MRPL12: variants seen among roughly 807,000 people sequenced by gnomAD.
MRPL12 encodes mitochondrial ribosomal protein L12, also known as large ribosomal subunit protein bL12m.
A neutral mutation model predicts 21.1 loss-of-function variants in MRPL12; 13 were observed. The observed-to-expected ratio is 0.62, with a 90% confidence interval of 0.40 to 0.98. MRPL12 has a LOEUF of 0.98. Among genes scored for constraint, MRPL12 ranks in the 50% least tolerant of loss-of-function variants. MRPL12 has a pLI of 0.00. For missense variants in MRPL12, 251 were observed against 268.6 expected, an observed-to-expected ratio of 0.93 and a Z score of 0.46; for synonymous variants, 126 against 115.3, an observed-to-expected ratio of 1.09 and a Z score of -0.60.
At chr17:81,706,313 A>G (rs2037314055) in intron 3 of MRPL12, among the ~76,000 whole-genome samples, 1 of 151,998 alleles carries the variant, frequency 6.6e-6, no homozygotes, top group African/African-American at 2.4e-5. Context: ...CTGGAGTGCA[A>G]TGGCGCGATC....
Position 81,704,376 on chromosome 17 carries a change from G to A in MRPL12, c.207G>A (p.Gln69=). Residue 69 remains glutamine, a synonymous_variant, in exon 2 of 5, where the codon CAG becomes CAA. Transcript: ENST00000333676. The part of the protein sequence containing the change: ...EYPPKIQQLV[Q]DIASLTLLEI... Reference sequence around the variant, plus strand: ...CCCCCAAGATACAGCAGCTGGTCCAGGACATCGCCAGCCTCACTCTCTTGG... The same window carrying A: ...CCCCCAAGATACAGCAGCTGGTCCAAGACATCGCCAGCCTCACTCTCTTGG... The A allele has an allele frequency of 6.2e-7, 1 of 1,613,660 alleles. No individual in the cohort carries two copies. Among genetic ancestry groups the A allele is most frequent in the East Asian group, 2.2e-5 (1 of 44,872 alleles).
In MRPL12 at chr17:81,703,431, C is replaced by A; in HGVS notation, c.-71C>A. On this transcript the variant is annotated 5_prime_UTR_variant, in exon 1 of 5. Coordinates refer to ENST00000333676, the MANE Select transcript of MRPL12 (RefSeq NM_002949.4). ...GAGCGTTCCTCCCCAGCTCGAATGC[C>A]CGGCGGCCGAGGCGGCTAGAGCGTC... 2.9e-6 allele frequency: 4 copies of A among 1,358,936 alleles called. No individual in the cohort carries two copies. Among genetic ancestry groups the A allele is most frequent in the Non-Finnish European group, 3.9e-6 (4 of 1,026,524 alleles). The allele number at this position is 1,358,936 out of a possible 1,614,324, so 84.2% of individuals were successfully genotyped here. A position where few individuals can be genotyped will look rare whatever the true frequency, so the allele number is the denominator to read the frequency against.
In MRPL12 at chr17:81,707,415, A is replaced by T; in HGVS notation, c.*175A>T. Reference sequence around the variant, plus strand: ...GCACAGACCTACTGTGGCGGGAGGGAGGGGCGGCTGCTGCCTGGTGACGGC... The same window carrying T: ...GCACAGACCTACTGTGGCGGGAGGGTGGGGCGGCTGCTGCCTGGTGACGGC... On this transcript the variant is annotated 3_prime_UTR_variant, in exon 5 of 5. Transcript: ENST00000333676. 1 of 636,598 alleles carries T rather than the reference A, an allele frequency of 1.6e-6. No homozygotes were observed. The highest frequency in any genetic ancestry group is 2.6e-6 in the Non-Finnish European group (1 of 384,526). 39.4% of individuals were successfully genotyped at this position (636,598 alleles called of 1,614,324 possible). A position where few individuals can be genotyped will look rare whatever the true frequency, so the allele number is the denominator to read the frequency against.
At chr17:81,706,705 C>CA (rs969582377) in intron 3 of MRPL12, among the ~76,000 whole-genome samples, 6 of 151,744 alleles carry the variant, frequency 4.0e-5, no homozygotes, top group East Asian at 1.9e-4. Flanking sequence ...GACTCCGTCT[C>CA]AAAAAAAAGA....
chr17:81,705,653 G>T (rs528734081), intron 3 of MRPL12, among the ~76,000 whole-genome samples: 2 of 152,204 alleles, frequency 1.3e-5, no homozygotes, highest in Non-Finnish European at 1.5e-5. Flanking sequence ...TGGCGCAGGC[G>T]AAGGGGTGTA....
In MRPL12 at chr17:81,706,878, T is replaced by C. The variant is rs759778631; in HGVS notation, c.346-28T>C. 6 of 1,611,090 alleles carry C rather than the reference T, an allele frequency of 3.7e-6. No homozygotes were observed. In the South Asian group the frequency reaches 6.6e-5, roughly 18 times the overall value. On this transcript the variant is annotated intron_variant, in intron 3 of 4. Transcript: ENST00000333676. ...TAGCTCCCCCCAGCCCTTTGTCACCTGGCTCCCCTTCTTTCCTGCTCCCTA... is the reference window on the plus strand; with the variant it reads ...TAGCTCCCCCCAGCCCTTTGTCACCCGGCTCCCCTTCTTTCCTGCTCCCTA...
chr17:81,706,909 G>C lies in MRPL12; in HGVS notation c.349G>C (p.Val117Leu). ...CCCTTCTTTCCTGCTCCCTAAGGCG[G>C]TGGAAGAAGATATCCCCATAGCGAA... is the stretch of plus-strand genomic sequence containing the variant. ...AVPAAAAQEAVEEDIPIAKER... is the reference protein window; with the variant it reads ...AVPAAAAQEALEEDIPIAKER... The change falls in exon 4 of 5, where the codon GTG (valine) becomes CTG (leucine). Residue 117 changes from valine (V) to leucine (L), a missense_variant. Physicochemically the swap from Val to Leu is conservative, Grantham distance 32. Transcript: ENST00000333676. 6.2e-7 allele frequency: 1 copy of C among 1,613,788 alleles called. No individual in the cohort carries two copies. Among genetic ancestry groups the C allele is most frequent in the Non-Finnish European group, 8.5e-7 (1 of 1,180,004 alleles).
chr17:81,703,552 G>A lies in MRPL12; in HGVS notation c.51G>A (p.Arg17=), dbSNP rs1282043608. 1.4e-6 allele frequency: 2 copies of A among 1,462,994 alleles called. No individual in the cohort carries two copies. The highest frequency in any genetic ancestry group is 6.0e-5 in the East Asian group (2 of 33,570). 90.6% of individuals were successfully genotyped at this position (1,462,994 alleles called of 1,614,324 possible). The change falls in exon 1 of 5, where the codon CGG becomes CGA. Residue 17 remains arginine, a synonymous_variant. Coordinates refer to ENST00000333676, the MANE Select transcript of MRPL12 (RefSeq NM_002949.4). ...RPLWGPCLGL[R]AAAFRLARRQ... is the part of the protein sequence containing the mutation. ...TGTGGGGGCCTTGCCTTGGGCTTCG[G>A]GCCGCTGCGTTCCGCCTTGCCAGGT... is the stretch of plus-strand genomic sequence containing the variant.
chr17:81,703,846 C>T (rs1026747124), intron 1 of MRPL12, among the ~76,000 whole-genome samples: 3 of 152,246 alleles, frequency 2.0e-5, no homozygotes, highest in Admixed American at 6.5e-5. Context: ...GCAGCAAAGG[C>T]CCATCCGTGG....
In MRPL12 at chr17:81,707,037, C is replaced by A. The variant is rs772618516; in HGVS notation, c.477C>A (p.Val159=). 64 of 1,614,110 alleles carry A rather than the reference C, an allele frequency of 4.0e-5. No homozygotes were observed. The highest frequency in any genetic ancestry group is 5.2e-5 in the Non-Finnish European group (61 of 1,180,046). Residue 159 remains valine, a synonymous_variant, in exon 4 of 5, where the codon GTC becomes GTA. Transcript: ENST00000333676. ...IKNYIQGINL[V]QAKKLVESLP... is the part of the protein sequence containing the mutation. ...ACTACATCCAAGGCATCAACCTCGT[C>A]CAGGTCTGTGCCGCGGTGGGGGTTC... is the stretch of plus-strand genomic sequence containing the variant.
At chr17:81,706,072 G>T (rs978192104) in intron 3 of MRPL12, among the ~76,000 whole-genome samples, 6 of 152,210 alleles carry the variant, frequency 3.9e-5, no homozygotes, top group African/African-American at 1.2e-4. Flanking sequence ...CGTCAGAAGC[G>T]CAGCGTGCCC....
intron 1 of MRPL12, among the ~76,000 whole-genome samples, chr17:81,703,829 C>T (rs995289624): frequency 1.3e-5 from 2 of 152,244 alleles, no homozygotes; most frequent in African/African-American, 4.8e-5. Context: ...TGGCCTCAGC[C>T]TTTTCCGCAG....
rs2037326511 is a variant in MRPL12, at chr17:81,707,468, C to CG, written c.*230dup. On this transcript the variant is annotated 3_prime_UTR_variant, in exon 5 of 5. Coordinates refer to ENST00000333676, the MANE Select transcript of MRPL12 (RefSeq NM_002949.4). ...CCGGAGGCCCACCAGGACGCGCCAC[C>CG]GGTGAATGTGCCTCTGGTGGCTGCT... 1 of 531,752 alleles carries CG rather than the reference C, an allele frequency of 1.9e-6. No individual in the cohort carries two copies. Among genetic ancestry groups the CG allele is most frequent in the Non-Finnish European group, 3.3e-6 (1 of 299,246 alleles). 32.9% of individuals were successfully genotyped at this position (531,752 alleles called of 1,614,324 possible).
chr17:81,706,464 G>A (rs532629443), intron 3 of MRPL12, among the ~76,000 whole-genome samples: 9 of 152,116 alleles, frequency 5.9e-5, no homozygotes, highest in Non-Finnish European at 2.9e-5. Context: ...TGATCCACCC[G>A]CCTTGGCCTC....
At chr17:81,704,589 C>A (rs769585137) in intron 2 of MRPL12, 44 bp from the exon 3 acceptor site, 1 of 1,606,700 alleles carries the variant, frequency 6.2e-7, no homozygotes, top group African/African-American at 1.3e-5. Context: ...TAGGTTCCGG[C>A]TGGTGTGAGG....
rs1402117828 is a variant in MRPL12, at chr17:81,707,275, G to T, written c.*35G>T. On this transcript the variant is annotated 3_prime_UTR_variant, in exon 5 of 5. Transcript: ENST00000333676. ...CGGAGGACTTGTGTTCAGGGGTCCTGGGCCCCGGGCGAGGTCCCGCCCTCC... is the reference window on the plus strand; with the variant it reads ...CGGAGGACTTGTGTTCAGGGGTCCTTGGCCCCGGGCGAGGTCCCGCCCTCC... 6.6e-7 allele frequency: 1 copy of T among 1,517,880 alleles called. No individual in the cohort carries two copies. The highest frequency in any genetic ancestry group is 8.9e-7 in the Non-Finnish European group (1 of 1,127,842). 94.0% of individuals were successfully genotyped at this position (1,517,880 alleles called of 1,614,324 possible).
At chr17:81,706,171 C>T (rs750026505) in intron 3 of MRPL12, among the ~76,000 whole-genome samples, 1 of 152,192 alleles carries the variant, frequency 6.6e-6, no homozygotes, top group East Asian at 1.9e-4. Flanking sequence ...ATCTACAAAG[C>T]ACTTTTGGTG....
chr17:81,704,836 T>C, intron 3 of MRPL12, 120 bp downstream of exon 3: 2 of 834,790 alleles, frequency 2.4e-6, no homozygotes, highest in Non-Finnish European at 3.8e-6. Flanking sequence ...TGCACACCTG[T>C]GCGGCATCCT....
Position 81,707,304 on chromosome 17 carries a change from G to A in MRPL12, c.*64G>A. On this transcript the variant is annotated 3_prime_UTR_variant, in exon 5 of 5. Coordinates refer to ENST00000333676, the MANE Select transcript of MRPL12 (RefSeq NM_002949.4). Reference sequence around the variant, plus strand: ...CCCGGGCGAGGTCCCGCCCTCCCGTGGTCACTGGCTCCGCCCCCAGCACCA... The same window carrying A: ...CCCGGGCGAGGTCCCGCCCTCCCGTAGTCACTGGCTCCGCCCCCAGCACCA... 1.4e-6 allele frequency: 2 copies of A among 1,447,302 alleles called. No homozygotes were observed. The highest frequency in any genetic ancestry group is 1.4e-5 in the South Asian group (1 of 73,928). 89.7% of individuals were successfully genotyped at this position (1,447,302 alleles called of 1,614,324 possible).
Sources: gnomAD v4.1 joint callset for allele counts (sites outside exome capture counted in the v4.1 genomes callset) on GRCh38, gnomAD v4.1.1 for gene constraint, MANE v1.5 for transcripts, NCBI Gene and HGNC (gene_info 2026-07-23, HGNC 2026-07-21) for gene names.